Variants in WDR35 observed in about 807,000 individuals in gnomAD.
The protein encoded by WDR35 is WD repeat-containing protein 35.
Under a neutral mutation model 158.3 loss-of-function variants are expected in WDR35, and 118 were observed. The ratio of observed to expected loss-of-function variants is 0.75; its 90% CI spans 0.64 to 0.87. The LOEUF is 0.87. WDR35 is among the 40% of genes least tolerant of loss of function. WDR35 has a pLI of 0.00. For missense variants in WDR35, 1,263 were observed against 1,405.8 expected (o/e 0.90, Z 1.62); for synonymous variants, 448 against 476.1 (o/e 0.94, Z 0.77).
At chr2:19,986,601 T>C (rs753571841) in intron 2 of WDR35, among the ~76,000 whole-genome samples, 1 of 152,080 alleles carries the variant, frequency 6.6e-6, no homozygotes, top group African/African-American at 2.4e-5. Context: ...ATTTAGAACA[T>C]GAAAGTCACT....
At chr2:19,932,695 A>G (rs1670561729) in intron 22 of WDR35, among the ~76,000 whole-genome samples, 1 of 152,202 alleles carries the variant, frequency 6.6e-6, no homozygotes. Flanking sequence ...TTCAAAGTTT[A>G]TAATCATATT....
intron 1 of WDR35, among the ~76,000 whole-genome samples, chr2:19,989,743 A>C (rs571224178): frequency 1.3e-5 from 2 of 152,288 alleles, no homozygotes; most frequent in Admixed American, 1.3e-4. Flanking sequence ...TCCTCAAGCC[A>C]CCCAAAAGGA....
At position 19,913,601 on chromosome 2, in the gene WDR35, C is replaced by T. The variant is rs763207229; in HGVS notation, c.3470G>A (p.Ser1157Asn). 2 of 1,613,990 alleles carry T rather than the reference C, an allele frequency of 1.2e-6. No individual in the cohort carries two copies. Among genetic ancestry groups the T allele is most frequent in the African/African-American group, 2.7e-5 (2 of 74,922 alleles). ...GCATAAGGGGCAGAAGCTGTAGTGG[C>T]TTATTTCCTGAGCAAGGACACCGTG... ...CKHGVLAQEI[S>N]HYSFCPLCHS... The change falls in exon 27 of 27, where the codon AGC (serine) becomes AAC (asparagine). Residue 1157 changes from serine to asparagine, a missense_variant. Transcript: ENST00000281405.
At chr2:19,960,944 T>C (rs1264822519) in intron 10 of WDR35, among the ~76,000 whole-genome samples, 1 of 152,184 alleles carries the variant, frequency 6.6e-6, no homozygotes, top group Non-Finnish European at 1.5e-5. Context: ...AAATGTGTAT[T>C]ATGGAAAAAA....
At position 19,945,886 on chromosome 2, in the gene WDR35, C is replaced by G; in HGVS notation, c.1745G>C (p.Arg582Pro). The stretch of plus-strand genomic sequence containing the variant: ...CCACTTCATATCCCAGACATCTCTT[C>G]GTTCCAATTTTAACAACTCTCCAAC... The part of the protein sequence containing the change: ...QVVGELLKLE[R>P]RDVWDMKWAK... Residue 582 changes from arginine (R) to proline (P), a missense_variant, in exon 16 of 27, where the codon CGA (arginine) becomes CCA (proline). Physicochemically the swap from Arg to Pro is moderately radical, Grantham distance 103. Coordinates refer to ENST00000281405, the MANE Select transcript of WDR35 (RefSeq NM_020779.4). 6.2e-7 allele frequency: 1 copy of G among 1,614,022 alleles called. No homozygotes were observed. Among genetic ancestry groups the G allele is most frequent in the Non-Finnish European group, 8.5e-7 (1 of 1,179,900 alleles).
rs1184414721 is a variant in WDR35, at chr2:19,930,549, T to G, written c.2968A>C (p.Thr990Pro). 4 of 1,613,972 alleles carry G rather than the reference T, an allele frequency of 2.5e-6. No individual in the cohort carries two copies. The African/African-American group carries it at 5.3e-5, about 22-fold the overall frequency. The change falls in exon 25 of 27, where the codon ACT becomes CCT. Residue 990 changes from threonine (T) to proline (P), a missense_variant. Thr to Pro is a conservative substitution (Grantham distance 38). Coordinates refer to ENST00000281405, the MANE Select transcript of WDR35 (RefSeq NM_020779.4). ...GKVKGKSSEA[T>P]SALAGLLEEE... Reference sequence around the variant, plus strand: ...TCCAGCAAACCAGCCAAGGCAGAAGTGGCCTACGAGTAAAGTCAGCCCACA... The same window carrying G: ...TCCAGCAAACCAGCCAAGGCAGAAGGGGCCTACGAGTAAAGTCAGCCCACA...
Position 19,946,552 on chromosome 2 carries a change from T to C in WDR35, c.1543A>G (p.Ile515Val), listed in dbSNP as rs1210896296. 7 of 1,613,486 alleles carry C rather than the reference T, an allele frequency of 4.3e-6. No homozygotes were observed. The Admixed American group carries it at 8.3e-5, about 19-fold the overall frequency. The change falls in exon 15 of 27, where the codon ATT (isoleucine) becomes GTT (valine). Residue 515 changes from isoleucine (I) to valine (V), a missense_variant. Coordinates refer to ENST00000281405, the MANE Select transcript of WDR35 (RefSeq NM_020779.4). Reference sequence around the variant, plus strand: ...ACATTAGGTAGACTGTATCTCTGAATGGTGCCAGATTCACGACCCTATGGA... The same window carrying C: ...ACATTAGGTAGACTGTATCTCTGAACGGTGCCAGATTCACGACCCTATGGA... The part of the protein sequence containing the change: ...ILIVGRESGT[I>V]QRYSLPNVGL...
intron 2 of WDR35, among the ~76,000 whole-genome samples, chr2:19,987,548 G>A (rs1174576963): frequency 6.6e-6 from 1 of 152,088 alleles, no homozygotes; most frequent in African/African-American, 2.4e-5. Flanking sequence ...TGCAGGCCAG[G>A]CACGGTGGCT....
intron 1 of WDR35, 93 bp from the exon 2 acceptor site, chr2:19,989,375 G>A: frequency 8.6e-7 from 1 of 1,162,556 alleles, no homozygotes; most frequent in Non-Finnish European, 1.3e-6. Context: ...AATCTTCCAA[G>A]AAGAAAAACG....
At chr2:19,956,357 G>A (rs1351504536) in intron 11 of WDR35, among the ~76,000 whole-genome samples, 1 of 152,004 alleles carries the variant, frequency 6.6e-6, no homozygotes, top group Non-Finnish European at 1.5e-5. Flanking sequence ...TTTATCATTA[G>A]CCTGATTACT....
chr2:19,959,521 A>C (rs988958873), intron 11 of WDR35, among the ~76,000 whole-genome samples: 1 of 152,054 alleles, frequency 6.6e-6, no homozygotes, highest in African/African-American at 2.4e-5. Flanking sequence ...AAACATGCCT[A>C]TGTAGCAATG....
At chr2:19,937,706 T>G (rs551697652) in intron 19 of WDR35, 37 bp downstream of exon 19, 1 of 1,612,602 alleles carries the variant, frequency 6.2e-7, no homozygotes, top group Non-Finnish European at 8.5e-7. Context: ...GATGAACTGA[T>G]AGAGTACTCA....
At chr2:19,976,691 T>C (rs1315732350) in intron 5 of WDR35, among the ~76,000 whole-genome samples, 2 of 71,040 alleles carry the variant, frequency 2.8e-5, no homozygotes, top group Non-Finnish European at 6.9e-5. Flanking sequence ...ATTGATACTT[T>C]TTTTTTTTTT....
intron 4 of WDR35, among the ~76,000 whole-genome samples, chr2:19,979,447 A>T (rs1448258881): frequency 1.3e-5 from 2 of 152,252 alleles, no homozygotes; most frequent in East Asian, 1.9e-4. Context: ...AGTTTATACT[A>T]CATTAGTGAC....
intron 10 of WDR35, among the ~76,000 whole-genome samples, chr2:19,963,372 A>AT (rs34975530): frequency 0.32 from 48,103 of 151,970 alleles, 8,607 homozygotes; most frequent in Middle Eastern, 0.46. Flanking sequence ...CGATAATTGT[A>AT]TTTTTTCTCT....
In WDR35 at chr2:19,937,885, C is replaced by A. The variant is rs1337766269; in HGVS notation, c.2125G>T (p.Val709Leu). 6.2e-7 allele frequency: 1 copy of A among 1,614,048 alleles called. No individual in the cohort carries two copies. The highest frequency in any genetic ancestry group is 8.5e-7 in the Non-Finnish European group (1 of 1,180,020). ...ATGCCTTGGTAATCTTTGCAGCGCACAAATGCTTGCTCTGCAGTGTATAGA... is the reference window on the plus strand; with the variant it reads ...ATGCCTTGGTAATCTTTGCAGCGCAAAAATGCTTGCTCTGCAGTGTATAGA... ...LDLYTAEQAFVRCKDYQGIKF... is the reference protein window; with the variant it reads ...LDLYTAEQAFLRCKDYQGIKF... Residue 709 changes from valine (V) to leucine (L), a missense_variant, in exon 19 of 27, where the codon GTG becomes TTG. Coordinates refer to ENST00000281405, the MANE Select transcript of WDR35 (RefSeq NM_020779.4).
At chr2:19,979,261 C>T (rs1423306893) in intron 4 of WDR35, among the ~76,000 whole-genome samples, 1 of 151,886 alleles carries the variant, frequency 6.6e-6, no homozygotes, top group Admixed American at 6.6e-5. Context: ...CAGATCATAA[C>T]CAATTAAAAA....
rs1307362688 is a variant in WDR35, at chr2:19,914,118, T to A, written c.3281A>T (p.Tyr1094Phe). 1.2e-6 allele frequency: 2 copies of A among 1,614,092 alleles called. No individual in the cohort carries two copies. Among genetic ancestry groups the A allele is most frequent in the Non-Finnish European group, 1.7e-6 (2 of 1,180,034 alleles). ...ETLSSEQKQQ[Y>F]EDLALEIFTK... ...GAAGATTTCTAAAGCAAGGTCTTCA[T>A]ACTGCTGTTTCTGTTCTGAACTGAG... is the stretch of plus-strand genomic sequence containing the variant. The change falls in exon 26 of 27, where the codon TAT becomes TTT. Residue 1094 changes from tyrosine (Y) to phenylalanine (F), a missense_variant. By Grantham distance (22) the Tyr-to-Phe change is conservative. Transcript: ENST00000281405.
Position 19,973,596 on chromosome 2 carries a change from C to G in WDR35, c.849G>C (p.Val283=). The change falls in exon 8 of 27, where the codon GTG becomes GTC. Residue 283 remains valine, a synonymous_variant. Coordinates refer to ENST00000281405, the MANE Select transcript of WDR35 (RefSeq NM_020779.4). ...ACGGAGTGTAAAACTGCACAATGTT[C>G]ACATCTTTGTCCTGCATGGCTGCCT... is the stretch of plus-strand genomic sequence containing the variant. ...FQKAAMQDKD[V]NIVQFYTPFG... is the part of the protein sequence containing the mutation. 1 of 1,614,150 alleles carries G rather than the reference C, an allele frequency of 6.2e-7. No homozygotes were observed. The highest frequency in any genetic ancestry group is 8.5e-7 in the Non-Finnish European group (1 of 1,180,028).
Sources: allele counts gnomAD v4.1 joint callset (sites outside exome capture counted in the v4.1 genomes callset), GRCh38; gene constraint gnomAD v4.1.1; transcripts MANE v1.5; gene names NCBI Gene and HGNC (gene_info 2026-07-23, HGNC 2026-07-21).